Variants in LATS2 observed in about 807,000 individuals in gnomAD.
LATS2 encodes serine/threonine-protein kinase LATS2.
LATS2 carries 24 observed loss-of-function variants against 76.0 expected under a neutral mutation model. The observed-to-expected ratio is 0.32, with a 90% confidence interval of 0.23 to 0.44. The LOEUF (loss-of-function observed/expected upper bound fraction) is 0.44, where lower values mean the gene tolerates loss of function less well. LATS2 is among the 20% of genes least tolerant of loss of function. LATS2 has a pLI of 1.00. For synonymous variants in LATS2, 692 were observed against 635.4 expected (o/e 1.09, Z -1.34); for missense variants, 1,286 against 1,481.2 (o/e 0.87, Z 2.16).
At chr13:21,041,493 G>A (rs1872879962) in intron 2 of LATS2, among the ~76,000 whole-genome samples, 1 of 152,124 alleles carries the variant, frequency 6.6e-6, no homozygotes, top group African/African-American at 2.4e-5. Context: ...ACATGATAAA[G>A]TGGGGGGAAA....
chr13:20,985,855 GAAC>G (rs1461588613), intron 4 of LATS2, among the ~76,000 whole-genome samples: 130 of 150,530 alleles, frequency 8.6e-4, no homozygotes, highest in African/African-American at 3.0e-3. Context: ...AGACCAGCCT[GAAC>G]AACATGGTGA....
At chr13:21,045,438 G>A (rs1234764030) in intron 2 of LATS2, among the ~76,000 whole-genome samples, 6 of 152,162 alleles carry the variant, frequency 3.9e-5, no homozygotes, top group Admixed American at 3.3e-4. Flanking sequence ...AATTTCAGGA[G>A]ACCTCAGCAA....
chr13:21,017,113 C>A (rs1243318519), intron 2 of LATS2, among the ~76,000 whole-genome samples: 1 of 152,194 alleles, frequency 6.6e-6, no homozygotes, highest in African/African-American at 2.4e-5. Flanking sequence ...GTGGTGGTTA[C>A]TGGAGGTGAC....
rs368473445 is a variant in LATS2, at chr13:20,979,780, C to T, written c.2683G>A (p.Asp895Asn). 6.2e-7 allele frequency: 1 copy of T among 1,609,180 alleles called. No homozygotes were observed. Among genetic ancestry groups the T allele is most frequent in the African/African-American group, 1.3e-5 (1 of 74,838 alleles). ...AGAATCACTCCAACACTCCACCAGT[C>T]ACAGAGTTGAGTGTACCCTGCAAGA... ...LLRKGYTQLC[D>N]WWSVGVILFE... Residue 895 changes from aspartate to asparagine, a missense_variant, in exon 7 of 8, where the codon GAC (aspartate) becomes AAC (asparagine). Physicochemically the swap from Asp to Asn is conservative, Grantham distance 23. Coordinates refer to ENST00000382592, the MANE Select transcript of LATS2 (RefSeq NM_014572.3).
intron 7 of LATS2, among the ~76,000 whole-genome samples, chr13:20,976,855 G>A (rs1869647300): frequency 6.6e-6 from 1 of 152,124 alleles, no homozygotes; most frequent in Non-Finnish European, 1.5e-5. Flanking sequence ...ATGTAAAATG[G>A]TGCAGCCACT....
chr13:21,027,704 G>A (rs950881714), intron 2 of LATS2, among the ~76,000 whole-genome samples: 3 of 152,082 alleles, frequency 2.0e-5, no homozygotes, highest in Non-Finnish European at 4.4e-5. Context: ...GACTCTACCT[G>A]TGTTCTTTTT....
At chr13:21,003,651 A>G (rs951231389) in intron 2 of LATS2, among the ~76,000 whole-genome samples, 11 of 152,158 alleles carry the variant, frequency 7.2e-5, no homozygotes, top group Non-Finnish European at 1.3e-4. Flanking sequence ...CATGTTGACC[A>G]GGCTGGTCTT....
At chr13:21,034,846 C>T (rs775451432) in intron 2 of LATS2, among the ~76,000 whole-genome samples, 5 of 152,040 alleles carry the variant, frequency 3.3e-5, no homozygotes, top group East Asian at 1.9e-4. Context: ...AAAAGGCATC[C>T]GCTAACAAAT....
At chr13:21,048,220 C>T (rs764089367) in intron 1 of LATS2, among the ~76,000 whole-genome samples, 2 of 152,162 alleles carry the variant, frequency 1.3e-5, no homozygotes, top group South Asian at 2.1e-4. Flanking sequence ...CCGACAAAAA[C>T]GGAGAGGTTC....
rs1298390454 is a variant in LATS2, at chr13:20,991,277, G to A, written c.470C>T (p.Ser157Phe). Residue 157 changes from serine to phenylalanine, a missense_variant, in exon 3 of 8, where the codon TCC (serine) becomes TTC (phenylalanine). Transcript: ENST00000382592. The surrounding 1 kb of genome is among the most constrained non-coding windows in gnomAD (Gnocchi z 4.9). ...EQIVRVIKQTSPGKGLMPTPV... is the reference protein window; with the variant it reads ...EQIVRVIKQTFPGKGLMPTPV... ...TGCTGCAGGCCTGGGCTCACCTGGGGAGGTCTGCTTAATGACCCGCACAAT... is the reference window on the plus strand; with the variant it reads ...TGCTGCAGGCCTGGGCTCACCTGGGAAGGTCTGCTTAATGACCCGCACAAT... 6.2e-7 allele frequency: 1 copy of A among 1,614,176 alleles called. No homozygotes were observed. Among genetic ancestry groups the A allele is most frequent in the Admixed American group, 1.7e-5 (1 of 60,026 alleles).
intron 2 of LATS2, among the ~76,000 whole-genome samples, chr13:21,019,331 ATTATTATTAT>A (rs910289796): frequency 7.3e-6 from 1 of 137,296 alleles, no homozygotes; most frequent in Admixed American, 7.0e-5. Context: ...TATTATTATT[ATTATTATTAT>A]TTGAGACAGA....
Position 20,988,091 on chromosome 13 carries a change from C to T in LATS2, c.1689G>A (p.Gly563=), listed in dbSNP as rs376333080. 2.8e-5 allele frequency: 45 copies of T among 1,614,142 alleles called. No individual in the cohort carries two copies. In the African/African-American group the frequency reaches 4.4e-4, roughly 16 times the overall value. The change falls in exon 4 of 8, where the codon GGG becomes GGA. Residue 563 remains glycine (G), a synonymous_variant. Transcript: ENST00000382592. The part of the protein sequence containing the change: ...GGDKSRKSAK[G]DKGGKDKKQI... ...GCTTTTTATCCTTTCCGCCTTTGTC[C>T]CCCTTGGCGCTTTTGCGGCTCTTGT...
Position 21,002,249 on chromosome 13 carries a change from G to A in LATS2, c.343-10845C>T, listed in dbSNP as rs558924243. 3.9e-5 allele frequency among the ~76,000 whole-genome samples: 6 copies of A among 152,180 alleles called. No homozygotes were observed. In the South Asian group the frequency reaches 1.2e-3, roughly 32 times the overall value. On this transcript the variant is annotated intron_variant, in intron 2 of 7. Coordinates refer to ENST00000382592, the MANE Select transcript of LATS2 (RefSeq NM_014572.3). The stretch of plus-strand genomic sequence containing the variant: ...ATTTTTAAGTCACTAAAAATTCTGG[G>A]ATGGTCTAAGATGGTTGGTTACACA...
chr13:20,983,577 A>G lies in LATS2; in HGVS notation c.2129T>C (p.Val710Ala). Residue 710 changes from valine to alanine, a missense_variant, in exon 5 of 8, where the codon GTG becomes GCG. By Grantham distance (64) the Val-to-Ala change is moderately conservative. This residue lies in a region of LATS2 where 247 missense variants were observed against 385.4 expected (regional missense o/e 0.64). Transcript: ENST00000382592. ...GTCCCTCTCGGCCTTGACGTGGGCC[A>G]CCTGATTCCGGTTCAGGACATCCTT... ...RKKDVLNRNQ[V>A]AHVKAERDIL... 1 of 1,614,050 alleles carries G rather than the reference A, an allele frequency of 6.2e-7. No individual in the cohort carries two copies. The highest frequency in any genetic ancestry group is 8.5e-7 in the Non-Finnish European group (1 of 1,180,002).
At chr13:20,985,527 T>C (rs1004353900) in intron 4 of LATS2, among the ~76,000 whole-genome samples, 1 of 151,552 alleles carries the variant, frequency 6.6e-6, no homozygotes, top group Non-Finnish European at 1.5e-5. Context: ...TTACTTGAGG[T>C]CAGGAGTTTG....
chr13:21,055,722 TGC>T (rs1452141488), intron 1 of LATS2, among the ~76,000 whole-genome samples: 1 of 152,254 alleles, frequency 6.6e-6, no homozygotes, highest in Non-Finnish European at 1.5e-5. Context: ...TCATGGGACC[TGC>T]GCTAATGACA....
chr13:20,985,282 T>A (rs1870090369), intron 4 of LATS2, among the ~76,000 whole-genome samples: 1 of 152,148 alleles, frequency 6.6e-6, no homozygotes, highest in Admixed American at 6.6e-5. Context: ...TATATTAAGC[T>A]AAAAAGCTTC....
rs377266289 is a variant in LATS2 at position 20,974,759 on chromosome 13, C to T, written c.*111G>A. On this transcript the variant is annotated 3_prime_UTR_variant, in exon 8 of 8. Transcript: ENST00000382592. ...GCAGAATTTCAAGTGAAGTAATCGA[C>T]GGACTAATTTAAAACAAAACAGCCC... 35 of 1,152,266 alleles carry T rather than the reference C, an allele frequency of 3.0e-5. No individual in the cohort carries two copies. Among genetic ancestry groups the T allele is most frequent in the East Asian group, 9.6e-5 (4 of 41,594 alleles). The allele number at this position is 1,152,266 out of a possible 1,614,324, so 71.4% of individuals were successfully genotyped here. A position where few individuals can be genotyped will look rare whatever the true frequency, so the allele number is the denominator to read the frequency against.
In LATS2 at chr13:20,987,939, A is replaced by G; in HGVS notation, c.1841T>C (p.Ile614Thr). 1.2e-6 allele frequency: 2 copies of G among 1,614,200 alleles called. No individual in the cohort carries two copies. The highest frequency in any genetic ancestry group is 1.1e-5 in the South Asian group (1 of 91,078). ...GTTAACCTTCTGCTGGTAGGTTTTG[A>G]TGACATTCTCCACGTGCTGCTCCAT... Reference protein sequence around the residue: ...FFMEQHVENVIKTYQQKVNRR... With the variant: ...FFMEQHVENVTKTYQQKVNRR... Residue 614 changes from isoleucine (I) to threonine (T), a missense_variant, in exon 4 of 8, where the codon ATC becomes ACC. Physicochemically the swap from Ile to Thr is moderately conservative, Grantham distance 89. Around this residue, in one of 5 missense-constraint regions of LATS2, gnomAD observed 247 missense variants for 385.4 expected, o/e 0.64. Transcript: ENST00000382592.
Sources: allele counts gnomAD v4.1 joint callset (sites outside exome capture counted in the v4.1 genomes callset), GRCh38; gene constraint gnomAD v4.1.1; regional missense constraint gnomAD v4.1.1; non-coding constraint Gnocchi (gnomAD v3.1); transcripts MANE v1.5; gene names NCBI Gene and HGNC (gene_info 2026-07-23, HGNC 2026-07-21).